Variants in AUTS2 observed in about 807,000 individuals in gnomAD.
AUTS2 encodes the protein autism susceptibility gene 2 protein.
AUTS2 carries 17 observed loss-of-function variants against 112.4 expected under a neutral mutation model. That is an observed-to-expected ratio of 0.15 (90% CI 0.10 to 0.23). The LOEUF (loss-of-function observed/expected upper bound fraction) is 0.23. Among genes scored for constraint, AUTS2 ranks in the 10% least tolerant of loss-of-function variants. AUTS2 has a pLI of 1.00. For missense variants in AUTS2, 1,510 were observed against 1,701.6 expected (o/e 0.89, Z 1.98); for synonymous variants, 751 against 702.7 (o/e 1.07, Z -1.09).
intron 1 of AUTS2, among the ~76,000 whole-genome samples, chr7:69,702,432 A>G (rs1056410417): frequency 6.6e-6 from 1 of 152,208 alleles, no homozygotes. Context: ...TGAAAGGTAC[A>G]TACTTAGGGT....
chr7:70,672,108 A>G (rs983993065), intron 5 of AUTS2, among the ~76,000 whole-genome samples: 4 of 152,196 alleles, frequency 2.6e-5, no homozygotes, highest in African/African-American at 9.7e-5. Flanking sequence ...GGTCATCTGT[A>G]GATTGTTGAT....
At chr7:70,203,759 T>C (rs1202222339) in intron 4 of AUTS2, among the ~76,000 whole-genome samples, 3 of 148,892 alleles carry the variant, frequency 2.0e-5, no homozygotes, top group Non-Finnish European at 4.5e-5. Context: ...CTTAGTCTTA[T>C]AACAACTCCC....
intron 4 of AUTS2, among the ~76,000 whole-genome samples, chr7:70,246,106 C>T (rs1018165600): frequency 6.6e-6 from 1 of 151,706 alleles, no homozygotes; most frequent in African/African-American, 2.4e-5. Flanking sequence ...ATCACTATTC[C>T]TTTGTGAATA....
intron 1 of AUTS2, among the ~76,000 whole-genome samples, chr7:69,803,931 C>A (rs962249642): frequency 8.5e-5 from 13 of 152,152 alleles, no homozygotes; most frequent in Non-Finnish European, 7.4e-5. Flanking sequence ...ACTCAGGAGG[C>A]TGAGGTGGGA....
intron 4 of AUTS2, among the ~76,000 whole-genome samples, chr7:70,348,713 G>A (rs1388031329): frequency 6.6e-6 from 1 of 152,210 alleles, no homozygotes; most frequent in East Asian, 1.9e-4. Context: ...GGGAGGCTGA[G>A]GCAGGAGAAT....
At chr7:69,949,473 G>T (rs1273442874) in intron 2 of AUTS2, among the ~76,000 whole-genome samples, 1 of 152,168 alleles carries the variant, frequency 6.6e-6, no homozygotes, top group Non-Finnish European at 1.5e-5. Context: ...CTTGCCTGTG[G>T]TCATAGAGCT....
intron 2 of AUTS2, among the ~76,000 whole-genome samples, chr7:70,077,474 C>T (rs923429581): frequency 3.3e-5 from 5 of 152,204 alleles, no homozygotes; most frequent in East Asian, 1.9e-4. Flanking sequence ...GACCCTGTCA[C>T]GTTCACTTTT....
At chr7:69,700,124 A>G (rs1480301855) in intron 1 of AUTS2, among the ~76,000 whole-genome samples, 2 of 152,220 alleles carry the variant, frequency 1.3e-5, no homozygotes, top group Admixed American at 1.3e-4. Flanking sequence ...TCTTGTCAAC[A>G]GGGTGGTGGT....
intron 4 of AUTS2, among the ~76,000 whole-genome samples, chr7:70,176,232 A>G (rs1312504964): frequency 2.0e-5 from 3 of 152,214 alleles, no homozygotes. Context: ...CAATGTAGGA[A>G]TTCATAGTAC....
intron 5 of AUTS2, among the ~76,000 whole-genome samples, chr7:70,556,015 C>T (rs1801233846): frequency 6.6e-6 from 1 of 152,110 alleles, no homozygotes; most frequent in Non-Finnish European, 1.5e-5. Context: ...ACCTTGTTAG[C>T]CAGGATGGTC....
chr7:70,785,586 C>T (rs937233568), intron 16 of AUTS2: 5 of 443,226 alleles, frequency 1.1e-5, no homozygotes, highest in African/African-American at 8.0e-5. Context: ...CTCAGAGTTT[C>T]ATCATGGATT....
intron 4 of AUTS2, among the ~76,000 whole-genome samples, chr7:70,337,586 A>G (rs996660502): frequency 6.6e-6 from 1 of 152,230 alleles, no homozygotes; most frequent in Non-Finnish European, 1.5e-5. Context: ...AGGTGAATAA[A>G]TGCATTTTTT....
chr7:70,321,427 T>C (rs1419876445), intron 4 of AUTS2, among the ~76,000 whole-genome samples: 1 of 152,238 alleles, frequency 6.6e-6, no homozygotes, highest in Non-Finnish European at 1.5e-5. Flanking sequence ...AATATCATTA[T>C]AAATGTTGGC....
chr7:70,056,370 T>G (rs1801994890), intron 2 of AUTS2, among the ~76,000 whole-genome samples: 1 of 152,200 alleles, frequency 6.6e-6, no homozygotes, highest in Non-Finnish European at 1.5e-5. Context: ...TTAATCATTC[T>G]GAGGGGGGTT....
intron 2 of AUTS2, among the ~76,000 whole-genome samples, chr7:69,948,765 TTTTC>T (rs1222625436): frequency 2.0e-5 from 3 of 150,860 alleles, no homozygotes; most frequent in Admixed American, 6.6e-5. Context: ...AAAGCCAAAA[TTTTC>T]TTTCATTTAT....
chr7:69,786,489 C>G (rs1007730850), intron 1 of AUTS2, among the ~76,000 whole-genome samples: 2 of 152,288 alleles, frequency 1.3e-5, no homozygotes, highest in Middle Eastern at 3.4e-3. Flanking sequence ...AGCTGGCCAC[C>G]CCAGCCAGCA....
chr7:70,423,573 T>C (rs1795309227), intron 4 of AUTS2, among the ~76,000 whole-genome samples: 1 of 152,236 alleles, frequency 6.6e-6, no homozygotes, highest in Admixed American at 6.5e-5. Flanking sequence ...CATTTTACTT[T>C]AGTCCCTGTG....
chr7:69,837,173 C>A (rs964447896), intron 1 of AUTS2, among the ~76,000 whole-genome samples: 2 of 152,070 alleles, frequency 1.3e-5, no homozygotes, highest in African/African-American at 2.4e-5. Flanking sequence ...TAATAATAAT[C>A]CAACTTTATA....
At chr7:69,926,631 C>A (rs1796026773) in intron 2 of AUTS2, among the ~76,000 whole-genome samples, 1 of 150,860 alleles carries the variant, frequency 6.6e-6, no homozygotes, top group Non-Finnish European at 1.5e-5. Flanking sequence ...CATTTTTTTT[C>A]CTTACCCTCT....
Sources: gnomAD v4.1 joint callset for allele counts (sites outside exome capture counted in the v4.1 genomes callset) on GRCh38, gnomAD v4.1.1 for gene constraint, MANE v1.5 for transcripts, NCBI Gene and HGNC (gene_info 2026-07-23, HGNC 2026-07-21) for gene names.